The following SNX31 variants were observed in gnomAD, a reference collection of about 807,000 sequenced individuals.
SNX31 encodes the protein sorting nexin-31.
SNX31 carries 58 observed loss-of-function variants against 65.4 expected under a neutral mutation model. The observed-to-expected ratio is 0.89, with a 90% confidence interval of 0.72 to 1.10. The LOEUF is 1.10. SNX31 is among the 50% of genes least tolerant of loss of function. The probability of loss-of-function intolerance (pLI) is 0.00; values close to 1 mark genes in which losing one functional copy is unlikely to be tolerated. For missense variants in SNX31, 523 were observed against 529.7 expected (o/e 0.99, Z 0.12); for synonymous variants, 181 against 190.1 (o/e 0.95, Z 0.39).
intron 2 of SNX31, among the ~76,000 whole-genome samples, chr8:100,646,850 G>A (rs577804149): frequency 6.6e-6 from 1 of 152,116 alleles, no homozygotes; most frequent in South Asian, 2.1e-4. Flanking sequence ...TTACTGATAC[G>A]ATTTATTTTA....
chr8:100,617,206 A>T (rs1817284675), intron 5 of SNX31, among the ~76,000 whole-genome samples: 1 of 152,072 alleles, frequency 6.6e-6, no homozygotes, highest in African/African-American at 2.4e-5. Flanking sequence ...GAGAATAGGA[A>T]CCTTCAAGAA....
At chr8:100,631,713 A>T (rs747307670) in intron 3 of SNX31, among the ~76,000 whole-genome samples, 1 of 152,162 alleles carries the variant, frequency 6.6e-6, no homozygotes, top group Non-Finnish European at 1.5e-5. Flanking sequence ...ATAAACGAAG[A>T]GAGAAAGTCC....
chr8:100,595,180 G>A (rs186135804), intron 10 of SNX31, among the ~76,000 whole-genome samples: 86 of 152,292 alleles, frequency 5.6e-4, no homozygotes, highest in Admixed American at 2.5e-3. Context: ...AAAGGGCTAA[G>A]ATCATACAAT....
intron 7 of SNX31, among the ~76,000 whole-genome samples, chr8:100,611,083 T>A (rs1261073828): frequency 6.6e-6 from 1 of 152,202 alleles, no homozygotes; most frequent in African/African-American, 2.4e-5. Flanking sequence ...GACAGTATTT[T>A]CTGCAGAGGG....
rs956603481 is a variant in SNX31 at position 100,578,076 on chromosome 8, C to T, written c.1171-1001G>A. 6.6e-6 allele frequency among the ~76,000 whole-genome samples: 1 copy of T among 152,160 alleles called. No individual in the cohort carries two copies. The highest frequency in any genetic ancestry group is 1.9e-4 in the East Asian group (1 of 5,202). Reference sequence around the variant, plus strand: ...TGCATTAGGCCACATTCAGACATGTCCTGGGCTGCATGCAGCCCGCAGGCT... The same window carrying T: ...TGCATTAGGCCACATTCAGACATGTTCTGGGCTGCATGCAGCCCGCAGGCT... On this transcript the variant is annotated intron_variant, in intron 12 of 13. Transcript: ENST00000311812. The surrounding 1 kb of genome is among the most constrained non-coding windows in gnomAD (Gnocchi z 4.7).
chr8:100,611,599 A>G (rs970759370), intron 7 of SNX31, among the ~76,000 whole-genome samples: 3 of 152,126 alleles, frequency 2.0e-5, no homozygotes, highest in African/African-American at 7.2e-5. Flanking sequence ...ACTGTTGCCC[A>G]GGTTGCAGTG....
At chr8:100,593,450 T>C (rs1245696809) in intron 10 of SNX31, among the ~76,000 whole-genome samples, 1 of 152,048 alleles carries the variant, frequency 6.6e-6, no homozygotes, top group Non-Finnish European at 1.5e-5. Context: ...CTTATTTTTA[T>C]TTTATTTTAT....
At chr8:100,662,124 C>T (rs112440712) in intron 1 of SNX31, among the ~76,000 whole-genome samples, 2 of 152,276 alleles carry the variant, frequency 1.3e-5, no homozygotes, top group East Asian at 3.9e-4. Flanking sequence ...CGTGCTCAGC[C>T]GTATTAAATC....
Position 100,625,229 on chromosome 8 carries a change from C to T in SNX31, c.321+5098G>A, listed in dbSNP as rs181924929. 3.4e-3 allele frequency among the ~76,000 whole-genome samples: 510 copies of T among 152,228 alleles called. 1 individual carries two copies. Among genetic ancestry groups the T allele is most frequent in the African/African-American group, 0.012 (490 of 41,544 alleles). ...AAAATCCTCCAATACCATGGGCTGC[C>T]TTAATGTTTTAAAATACGTGCTTTG... On this transcript the variant is annotated intron_variant, in intron 4 of 13. Transcript: ENST00000311812. This position sits in a 1 kb window ranked among gnomAD's most constrained non-coding sequence, Gnocchi z 4.2.
At position 100,609,046 on chromosome 8, in the gene SNX31, G is replaced by C. The variant is rs1403319690; in HGVS notation, c.612-483C>G. ...AATCTGATGCTCCACATTCTAACCA[G>C]AGTGGTCTTTCCTGTGAAACTTTTC... On this transcript the variant is annotated intron_variant, in intron 7 of 13. Transcript: ENST00000311812. The surrounding 1 kb of genome is among the most constrained non-coding windows in gnomAD (Gnocchi z 4.9). Among the ~76,000 whole-genome samples the C allele has an allele frequency of 1.3e-5, 2 of 152,090 alleles. No homozygotes were observed. The highest frequency in any genetic ancestry group is 2.9e-5 in the Non-Finnish European group (2 of 68,016).
At chr8:100,593,536 CT>C (rs112407094) in intron 10 of SNX31, among the ~76,000 whole-genome samples, 8,291 of 152,082 alleles carry the variant, frequency 0.055, 486 homozygotes, top group Admixed American at 0.17. Context: ...TCACTGCAAC[CT>C]CCCCCTCCCA....
intron 9 of SNX31, among the ~76,000 whole-genome samples, chr8:100,597,116 G>A (rs1815171586): frequency 6.6e-6 from 1 of 151,946 alleles, no homozygotes; most frequent in East Asian, 1.9e-4. Context: ...TATGGTGCTT[G>A]GTACACAGTG....
chr8:100,616,048 A>T (rs1393895695), intron 5 of SNX31, among the ~76,000 whole-genome samples: 1 of 152,222 alleles, frequency 6.6e-6, no homozygotes, highest in Non-Finnish European at 1.5e-5. Flanking sequence ...TGCTGGGATT[A>T]CAGGCGTGAG....
intron 1 of SNX31, among the ~76,000 whole-genome samples, chr8:100,655,055 A>G (rs907397598): frequency 6.6e-6 from 1 of 152,178 alleles, no homozygotes; most frequent in African/African-American, 2.4e-5. Context: ...AGGTGGGGCC[A>G]GTTACAACAA....
At position 100,596,866 on chromosome 8, in the gene SNX31, G is replaced by C. The variant is rs535357418; in HGVS notation, c.775-24C>G. 8.1e-6 allele frequency: 13 copies of C among 1,607,118 alleles called. 1 individual carries two copies. The highest frequency in any genetic ancestry group is 4.5e-5 in the East Asian group (2 of 44,862). ...AACTGCTCCAAAGAGGGTGATGTGG[G>C]GGGAGGGGAGGCAAGAGGAAGCAAA... is the stretch of plus-strand genomic sequence containing the variant. On this transcript the variant is annotated intron_variant, in intron 9 of 13. Transcript: ENST00000311812.
intron 8 of SNX31, among the ~76,000 whole-genome samples, chr8:100,606,650 T>G (rs1391338524): frequency 6.6e-6 from 1 of 152,180 alleles, no homozygotes; most frequent in African/African-American, 2.4e-5. Context: ...AGTAATAACT[T>G]ATCCACCATC....
rs1692952175 is a variant in SNX31 at position 100,573,546 on chromosome 8, A to T, written c.*319T>A. The T allele has an allele frequency of 5.3e-6, 1 of 189,504 alleles. No homozygotes were observed. The highest frequency in any genetic ancestry group is 1.1e-5 in the Non-Finnish European group (1 of 93,332). 11.7% of individuals were successfully genotyped at this position (189,504 alleles called of 1,614,324 possible). ...AGATCTATTTTAGAGAAAAAATAGA[A>T]TGAGTTTTATATGAGTTGATTTGAA... On this transcript the variant is annotated 3_prime_UTR_variant, in exon 14 of 14. Coordinates refer to ENST00000311812, the MANE Select transcript of SNX31 (RefSeq NM_152628.4).
In SNX31 at chr8:100,576,441, C is replaced by G. The variant is rs190563674; in HGVS notation, c.1227+578G>C. Among the ~76,000 whole-genome samples, 202 of 152,286 alleles carry G rather than the reference C, an allele frequency of 1.3e-3. No homozygotes were observed. The highest frequency in any genetic ancestry group is 4.7e-3 in the African/African-American group (196 of 41,558). On this transcript the variant is annotated intron_variant, in intron 13 of 13. Transcript: ENST00000311812. The surrounding 1 kb of genome is among the most constrained non-coding windows in gnomAD (Gnocchi z 4.8). ...GCCTGCTTCTTTCCATCTTTGACTG[C>G]TGTGCAACCTTGGGCAGGTCACAAA...
At chr8:100,586,541 ATTCTGAGG>A (rs1814067281) in intron 11 of SNX31, among the ~76,000 whole-genome samples, 1 of 152,204 alleles carries the variant, frequency 6.6e-6, no homozygotes, top group South Asian at 2.1e-4. Flanking sequence ...CGCACTTAGC[ATTCTGAGG>A]TTGGGAGGTA....
Sources: gnomAD v4.1 joint callset for allele counts (sites outside exome capture counted in the v4.1 genomes callset) on GRCh38, gnomAD v4.1.1 for gene constraint, Gnocchi (gnomAD v3.1) non-coding constraint, MANE v1.5 for transcripts, NCBI Gene and HGNC (gene_info 2026-07-23, HGNC 2026-07-21) for gene names.